SORBS3: variants seen among roughly 807,000 people sequenced by gnomAD.
SORBS3 encodes the protein vinexin.
Under a neutral mutation model 98.0 loss-of-function variants are expected in SORBS3, and 69 were observed. That is an observed-to-expected ratio of 0.70 (90% CI 0.58 to 0.86). The LOEUF is 0.86. Among genes scored for constraint, SORBS3 ranks in the 40% least tolerant of loss-of-function variants. The pLI, the probability that SORBS3 is intolerant of heterozygous loss-of-function variation, is 0.00. For synonymous variants in SORBS3, 394 were observed against 355.4 expected, an observed-to-expected ratio of 1.11 and a Z score of -1.22; for missense variants, 954 against 908.5, an observed-to-expected ratio of 1.05 and a Z score of -0.64.
At chr8:22,561,635 T>C in intron 6 of SORBS3, 1 of 611,774 alleles carries the variant, frequency 1.6e-6, no homozygotes, top group Non-Finnish European at 2.9e-6. Flanking sequence ...ATCTATAAGA[T>C]GAGATCATCA....
rs1444193592 is a variant in SORBS3, at chr8:22,565,831, G to C, written c.909G>C (p.Ser303=). The C allele has an allele frequency of 7.7e-7, 1 of 1,304,080 alleles. No homozygotes were observed. The allele number at this position is 1,304,080 out of a possible 1,614,324, so 80.8% of individuals were successfully genotyped here. ...IETRLPSPKS[S]PAPRRAPEQR... ...TGCGCCGTTTCCCCGCGCAGAGCTC[G>C]CCGGCGCCCCGACGGGCCCCGGAGC... Residue 303 remains serine, a synonymous_variant, in exon 12 of 21, where the codon TCG becomes TCC. Coordinates refer to ENST00000240123, the MANE Select transcript of SORBS3 (RefSeq NM_005775.5).
intron 10 of SORBS3, chr8:22,564,873 G>A (rs983832009): frequency 4.7e-6 from 6 of 1,288,814 alleles, no homozygotes; most frequent in Non-Finnish European, 4.9e-6. Flanking sequence ...GCAGCGTGGG[G>A]GTGGGGGCTC....
chr8:22,564,208 C>CA, intron 8 of SORBS3, 75 bp from the exon 9 acceptor site: 1 of 1,501,886 alleles, frequency 6.7e-7, no homozygotes, highest in East Asian at 2.4e-5. Context: ...CAGGGGCCTG[C>CA]AAGCCTGCAT....
At position 22,551,994 on chromosome 8, in the gene SORBS3, C is replaced by T; in HGVS notation, c.-84C>T. The T allele has an allele frequency of 1.0e-6, 1 of 984,266 alleles. No homozygotes were observed. Among genetic ancestry groups the T allele is most frequent in the Non-Finnish European group, 1.2e-6 (1 of 829,612 alleles). 61.0% of individuals were successfully genotyped at this position (984,266 alleles called of 1,614,324 possible). ...ATGCTCCTGCGCTCCCGGGCGGCCTCGGGCCCAGCCACCTGCTCGCCGGGG... is the reference window on the plus strand; with the variant it reads ...ATGCTCCTGCGCTCCCGGGCGGCCTTGGGCCCAGCCACCTGCTCGCCGGGG... On this transcript the variant is annotated 5_prime_UTR_variant, in exon 1 of 21. Transcript: ENST00000240123. This position sits in a 1 kb window ranked among gnomAD's most constrained non-coding sequence, Gnocchi z 5.8.
intron 1 of SORBS3, among the ~76,000 whole-genome samples, chr8:22,553,622 T>C (rs898554274): frequency 1.3e-5 from 2 of 152,184 alleles, no homozygotes; most frequent in Admixed American, 1.3e-4. Flanking sequence ...GGCATGGTGC[T>C]GCCAGGGAAG....
upstream of SORBS3, among the ~76,000 whole-genome samples, chr8:22,550,497 AG>A (rs1840064207): frequency 6.6e-6 from 1 of 152,222 alleles, no homozygotes; most frequent in Non-Finnish European, 1.5e-5. Flanking sequence ...CGCAGGCGCT[AG>A]AGGCCAGCAG....
chr8:22,571,762 C>A lies in SORBS3; in HGVS notation c.1788C>A (p.Pro596=). 2 of 1,614,048 alleles carry A rather than the reference C, an allele frequency of 1.2e-6. No homozygotes were observed. Among genetic ancestry groups the A allele is most frequent in the Non-Finnish European group, 1.7e-6 (2 of 1,179,962 alleles). Reference sequence around the variant, plus strand: ...CAGCTCTGTCCCACTCTCGAGGTCCCAGCCATCCCCTGGACCTGGGGACCT... The same window carrying A: ...CAGCTCTGTCCCACTCTCGAGGTCCAAGCCATCCCCTGGACCTGGGGACCT... ...PGPALSHSRG[P]SHPLDLGTSS... The change falls in exon 19 of 21, where the codon CCC becomes CCA. Residue 596 remains proline, a synonymous_variant. Coordinates refer to ENST00000240123, the MANE Select transcript of SORBS3 (RefSeq NM_005775.5).
chr8:22,571,754 C>T lies in SORBS3; in HGVS notation c.1780C>T (p.Arg594Ter), dbSNP rs751706624. The T allele has an allele frequency of 7.4e-6, 12 of 1,613,876 alleles. No homozygotes were observed. Among genetic ancestry groups the T allele is most frequent in the South Asian group, 3.3e-5 (3 of 91,082 alleles). Residue 594 changes from arginine (R) to a stop codon, truncating the protein, a stop_gained, in exon 19 of 21, where the codon CGA (arginine) becomes TGA (stop). Coordinates refer to ENST00000240123, the MANE Select transcript of SORBS3 (RefSeq NM_005775.5). LOFTEE classifies it high-confidence loss of function. ...CCCTGGTCCAGCTCTGTCCCACTCTCGAGGTCCCAGCCATCCCCTGGACCT... is the reference window on the plus strand; with the variant it reads ...CCCTGGTCCAGCTCTGTCCCACTCTTGAGGTCCCAGCCATCCCCTGGACCT... ...GTPGPALSHS[R>*]GPSHPLDLGT...
chr8:22,570,782 C>T (rs1840554490), intron 17 of SORBS3, 128 bp from the exon 18 acceptor site: 1 of 787,652 alleles, frequency 1.3e-6, no homozygotes. Context: ...GGGTAAACTG[C>T]TGGCCCCCTG....
At chr8:22,556,988 G>T (rs1840195391) in intron 4 of SORBS3, 80 bp downstream of exon 4, 8 of 1,511,876 alleles carry the variant, frequency 5.3e-6, no homozygotes, top group Non-Finnish European at 7.2e-6. Flanking sequence ...TTAAAATGGG[G>T]GTGGGGCAAT....
chr8:22,566,432 AG>A lies in SORBS3; in HGVS notation c.1040del (p.Gly347GlufsTer5). ...TGAGTCCCCACAAAATGGCTGATGG[AG>A]GAAGCCCCTTCCTAGGTCGGAGGGA... Reference protein sequence around the residue: ...SLSPHKMADGGSPFLGRRDFV... With the variant: ...SLSPHKMADGXSPFLGRRDFV... On this transcript the variant is annotated frameshift_variant, in exon 13 of 21. Transcript: ENST00000240123. LOFTEE classifies it high-confidence loss of function. 1 of 1,613,980 alleles carries A rather than the reference AG, an allele frequency of 6.2e-7. No individual in the cohort carries two copies. Among genetic ancestry groups the A allele is most frequent in the Non-Finnish European group, 8.5e-7 (1 of 1,179,926 alleles).
chr8:22,556,600 G>T, intron 3 of SORBS3, 115 bp from the exon 4 acceptor site: 1 of 851,898 alleles, frequency 1.2e-6, no homozygotes, highest in African/African-American at 1.7e-5. Context: ...AAACAAACAA[G>T]GCGATGTTGA....
rs183576255 is a variant in SORBS3, at chr8:22,564,743, A to C, written c.816+222A>C. 7.0e-6 allele frequency: 10 copies of C among 1,419,306 alleles called. No homozygotes were observed. The African/African-American group carries it at 8.6e-5, about 12-fold the overall frequency. 87.9% of individuals were successfully genotyped at this position (1,419,306 alleles called of 1,614,324 possible). A position where few individuals can be genotyped will look rare whatever the true frequency, so the allele number is the denominator to read the frequency against. Reference sequence around the variant, plus strand: ...TATGTGTTGGCCAAAGCAGGAGCAGAAAAGGGAGTGGTCAGTGCGCACTGG... The same window carrying C: ...TATGTGTTGGCCAAAGCAGGAGCAGCAAAGGGAGTGGTCAGTGCGCACTGG... On this transcript the variant is annotated intron_variant, in intron 10 of 20. Transcript: ENST00000240123.
chr8:22,553,348 A>G (rs1840122043), intron 1 of SORBS3, among the ~76,000 whole-genome samples: 1 of 152,218 alleles, frequency 6.6e-6, no homozygotes, highest in Non-Finnish European at 1.5e-5. Flanking sequence ...AGGCACAGGC[A>G]AACCTGATTC....
chr8:22,552,788 CT>C (rs1361881467), intron 1 of SORBS3, among the ~76,000 whole-genome samples: 2 of 152,224 alleles, frequency 1.3e-5, no homozygotes, highest in East Asian at 3.9e-4. Context: ...TCCAGGTCTC[CT>C]GACCTTCCAC....
At chr8:22,569,421 C>G in intron 17 of SORBS3, 148 bp downstream of exon 17, 1 of 642,096 alleles carries the variant, frequency 1.6e-6, no homozygotes, top group Non-Finnish European at 2.4e-6. Context: ...CTCACTGCAA[C>G]CTCCGCCTCC....
intron 1 of SORBS3, chr8:22,545,249 C>T (rs1328300694): frequency 6.6e-6 from 1 of 152,302 alleles, no homozygotes; most frequent in Admixed American, 6.5e-5. Context: ...GATGAGACGC[C>T]TGGAGGAAAG....
chr8:22,572,194 G>A (rs1015588764), intron 19 of SORBS3, 146 bp from the exon 20 acceptor site: 20 of 692,812 alleles, frequency 2.9e-5, no homozygotes, highest in South Asian at 1.8e-4. Flanking sequence ...GAAAGACTAC[G>A]GTGAGCACAG....
At chr8:22,565,799 C>T (rs1457101810) in intron 11 of SORBS3, 27 bp from the exon 12 acceptor site, 2 of 1,318,478 alleles carry the variant, frequency 1.5e-6, no homozygotes, top group East Asian at 6.4e-5. Context: ...GGGTCGCGGG[C>T]CCTGATTGCG....
Sources: gnomAD v4.1 joint callset for allele counts (sites outside exome capture counted in the v4.1 genomes callset) on GRCh38, gnomAD v4.1.1 for gene constraint, Gnocchi (gnomAD v3.1) non-coding constraint, MANE v1.5 for transcripts, NCBI Gene and HGNC (gene_info 2026-07-23, HGNC 2026-07-21) for gene names.